AFF2: variants seen among roughly 807,000 people sequenced by gnomAD.
AFF2 encodes AF4/FMR2 family member 2.
Under a neutral mutation model 76.9 loss-of-function variants are expected in AFF2, and 14 were observed. The observed-to-expected ratio is 0.18, with a 90% CI of 0.12 to 0.28. The LOEUF is 0.28. AFF2 is among the 10% of genes least tolerant of loss of function. The pLI, the probability that AFF2 is intolerant of heterozygous loss-of-function variation, is 1.00. For synonymous variants in AFF2, 398 were observed against 366.7 expected, an observed-to-expected ratio of 1.09 and a Z score of -0.98; for missense variants, 868 against 1,001.1, an observed-to-expected ratio of 0.87 and a Z score of 1.79.
chrX:148,746,055 T>C (rs1263219447), intron 3 of AFF2, among the ~76,000 whole-genome samples: 1 of 111,735 alleles, frequency 8.9e-6, no homozygotes, highest in African/African-American at 3.3e-5. Flanking sequence ...TAGTGCATTA[T>C]TGAAAGGGAA....
At chrX:148,733,217 G>C (rs73638182) in intron 3 of AFF2, among the ~76,000 whole-genome samples, 2 of 111,197 alleles carry the variant, frequency 1.8e-5, no homozygotes, top group Non-Finnish European at 3.8e-5. Flanking sequence ...CCTGCTTGGC[G>C]TTATGTGTTA....
intron 9 of AFF2, among the ~76,000 whole-genome samples, chrX:148,911,244 A>C (rs2124229856): frequency 9.0e-6 from 1 of 110,985 alleles, no homozygotes; most frequent in East Asian, 2.8e-4. Flanking sequence ...ATTAGAGTTT[A>C]AAAAAGATAT....
At chrX:148,834,161 T>C (rs2070490792) in intron 4 of AFF2, among the ~76,000 whole-genome samples, 1 of 112,624 alleles carries the variant, frequency 8.9e-6, no homozygotes, top group South Asian at 3.6e-4. Context: ...TTAGAAGTTA[T>C]GTAGAATGCT....
At chrX:148,896,586 T>A (rs2071287129) in intron 8 of AFF2, among the ~76,000 whole-genome samples, 1 of 111,593 alleles carries the variant, frequency 9.0e-6, no homozygotes, top group East Asian at 2.8e-4. Flanking sequence ...GAGGTTTGCA[T>A]GTGTTTCAGC....
intron 9 of AFF2, among the ~76,000 whole-genome samples, chrX:148,923,324 G>A (rs73640610): frequency 0.049 from 5,420 of 111,609 alleles, 324 homozygotes; most frequent in African/African-American, 0.17. Context: ...ATACAGTTAG[G>A]TTGCGTTTAT....
At chrX:148,524,252 G>A (rs1162898156) in intron 1 of AFF2, among the ~76,000 whole-genome samples, 4 of 109,442 alleles carry the variant, frequency 3.7e-5, no homozygotes, top group African/African-American at 1.3e-4. Flanking sequence ...GAGAAAAGGA[G>A]GTAATTTATT....
At chrX:148,953,961 T>C (rs1164466784) in intron 10 of AFF2, among the ~76,000 whole-genome samples, 1 of 112,710 alleles carries the variant, frequency 8.9e-6, no homozygotes, top group East Asian at 2.8e-4. Flanking sequence ...TTTTTTGCTG[T>C]GTGACTGATT....
intron 3 of AFF2, among the ~76,000 whole-genome samples, chrX:148,695,728 A>G (rs1193777673): frequency 1.8e-5 from 2 of 112,597 alleles, no homozygotes; most frequent in African/African-American, 6.5e-5. Flanking sequence ...GGAATTTCAC[A>G]TGGTGGTCTG....
At chrX:148,856,687 A>C (rs192790026) in intron 7 of AFF2, among the ~76,000 whole-genome samples, 1 of 111,965 alleles carries the variant, frequency 8.9e-6, no homozygotes, top group Non-Finnish European at 1.9e-5. Context: ...ATTTTGTAAA[A>C]TCACCACTGG....
chrX:148,584,540 T>C (rs1162868350), intron 1 of AFF2, among the ~76,000 whole-genome samples: 5 of 103,287 alleles, frequency 4.8e-5, no homozygotes, highest in African/African-American at 1.8e-4. Context: ...TATTTGCCCC[T>C]GGAGTTAAAT....
chrX:148,643,289 A>G (rs1178756740), intron 1 of AFF2, among the ~76,000 whole-genome samples: 1 of 112,373 alleles, frequency 8.9e-6, no homozygotes, highest in African/African-American at 3.2e-5. Context: ...TAAAATATAA[A>G]TGAATACATT....
At chrX:148,858,550 T>C (rs782419278) in intron 7 of AFF2, among the ~76,000 whole-genome samples, 15 of 111,563 alleles carry the variant, frequency 1.3e-4, no homozygotes, top group East Asian at 8.4e-4. Flanking sequence ...AACAAATCTA[T>C]TGTGCCATGT....
intron 1 of AFF2, among the ~76,000 whole-genome samples, chrX:148,604,938 A>G (rs2053659394): frequency 8.9e-6 from 1 of 112,164 alleles, no homozygotes; most frequent in African/African-American, 3.2e-5. Flanking sequence ...AAAACTATAC[A>G]AAATAAGATA....
At position 148,581,415 on chromosome X, in the gene AFF2, T is replaced by TAC. The variant is rs797037970; in HGVS notation, c.48-70583_48-70582dup. ...ATATACGTATACGTGTACACACATATACGTATACGTCTACGTGTACACACA... is the reference window on the plus strand; with the variant it reads ...ATATACGTATACGTGTACACACATATACACGTATACGTCTACGTGTACACACA... On this transcript the variant is annotated intron_variant, in intron 1 of 20. Coordinates refer to ENST00000370460, the MANE Select transcript of AFF2 (RefSeq NM_002025.4). Among the ~76,000 whole-genome samples, 16 of 22,549 alleles carry TAC rather than the reference T, an allele frequency of 7.1e-4. 3 individuals carry two copies. Among genetic ancestry groups the TAC allele is most frequent in the African/African-American group, 2.9e-3 (15 of 5,105 alleles). The allele number at this position is 22,549 out of a possible 115,157, so 19.6% of individuals were successfully genotyped here.
intron 9 of AFF2, among the ~76,000 whole-genome samples, chrX:148,927,282 C>T (rs2071661892): frequency 8.9e-6 from 1 of 111,984 alleles, no homozygotes; most frequent in Non-Finnish European, 1.9e-5. Flanking sequence ...TATGTGTTGG[C>T]AGAAACCTTA....
chrX:148,893,400 G>A (rs1160401281), intron 8 of AFF2, among the ~76,000 whole-genome samples: 1 of 111,780 alleles, frequency 8.9e-6, no homozygotes, highest in Non-Finnish European at 1.9e-5. Context: ...TTCTCCTTCA[G>A]TACCAATTTT....
chrX:148,829,841 T>A (rs1458966360), intron 4 of AFF2, among the ~76,000 whole-genome samples: 1 of 111,769 alleles, frequency 8.9e-6, no homozygotes, highest in African/African-American at 3.3e-5. Flanking sequence ...GATTGGAAAT[T>A]CTTTAGTAGT....
chrX:148,594,142 T>C (rs782636649), intron 1 of AFF2, among the ~76,000 whole-genome samples: 2 of 110,280 alleles, frequency 1.8e-5, no homozygotes, highest in South Asian at 7.8e-4. Context: ...GCTGTAGACA[T>C]GCAAGCAGAA....
chrX:148,628,199 G>A (rs1278277647), intron 1 of AFF2, among the ~76,000 whole-genome samples: 2 of 111,441 alleles, frequency 1.8e-5, no homozygotes, highest in East Asian at 5.7e-4. Context: ...GGACAACACT[G>A]TGAATGTACC....
Sources: allele counts gnomAD v4.1 joint callset (sites outside exome capture counted in the v4.1 genomes callset), GRCh38; gene constraint gnomAD v4.1.1; transcripts MANE v1.5; gene names NCBI Gene and HGNC (gene_info 2026-07-23, HGNC 2026-07-21).